PKNOX2: variants seen among roughly 807,000 people sequenced by gnomAD.
PKNOX2 encodes the protein homeobox protein PKNOX2.
Under a neutral mutation model 53.1 loss-of-function variants are expected in PKNOX2, and 14 were observed. The ratio of observed to expected loss-of-function variants is 0.26; its 90% CI spans 0.17 to 0.41. The LOEUF is 0.41. Ranked by LOEUF, PKNOX2 falls within the 10% of genes least tolerant of loss-of-function variation. PKNOX2 has a pLI of 1.00. For synonymous variants in PKNOX2, 257 were observed against 242.8 expected (o/e 1.06, Z -0.54); for missense variants, 496 against 602.8 (o/e 0.82, Z 1.85).
chr11:125,257,354 C>T (rs2135711572), intron 2 of PKNOX2, among the ~76,000 whole-genome samples: 1 of 152,282 alleles, frequency 6.6e-6, no homozygotes, highest in East Asian at 1.9e-4. Context: ...GTTGATAGAA[C>T]ATCTTCATGG....
At chr11:125,225,591 C>T (rs1941615129) in intron 1 of PKNOX2, among the ~76,000 whole-genome samples, 1 of 152,268 alleles carries the variant, frequency 6.6e-6, no homozygotes, top group Admixed American at 6.5e-5. Flanking sequence ...CTGGCTTACT[C>T]CTGGAGGGCA....
intron 3 of PKNOX2, among the ~76,000 whole-genome samples, chr11:125,342,547 C>T (rs1308505918): frequency 1.3e-5 from 2 of 152,180 alleles, no homozygotes; most frequent in Non-Finnish European, 2.9e-5. Flanking sequence ...CACCTGGGAT[C>T]CCAGCGCTGG....
intron 2 of PKNOX2, among the ~76,000 whole-genome samples, chr11:125,265,198 A>G (rs930813018): frequency 6.6e-6 from 1 of 151,886 alleles, no homozygotes; most frequent in Non-Finnish European, 1.5e-5. Flanking sequence ...GAGGCAGGAG[A>G]TTGCCGTGAA....
At chr11:125,360,644 G>A (rs1276185089) in intron 4 of PKNOX2, among the ~76,000 whole-genome samples, 3 of 152,174 alleles carry the variant, frequency 2.0e-5, no homozygotes, top group African/African-American at 7.2e-5. Context: ...TGCAGAATGG[G>A]TTCCTTCAGC....
rs1485813932 is a variant in PKNOX2 at position 125,410,872 on chromosome 11, C to T, written c.812C>T (p.Thr271Ile). 1.2e-6 allele frequency: 2 copies of T among 1,613,212 alleles called. No homozygotes were observed. Among genetic ancestry groups the T allele is most frequent in the South Asian group, 2.2e-5 (2 of 91,068 alleles). ...CAGGGAGCCATCCAGATCCAGAACA[C>T]ACAGGTGAGTGTGTGTAGGTGTGTG... ...IPQGAIQIQN[T>I]QVNLDLTSLL... is the part of the protein sequence containing the mutation. The change falls in exon 9 of 13, where the codon ACA (threonine) becomes ATA (isoleucine). Residue 271 changes from threonine to isoleucine, a missense_variant. By Grantham distance (89) the Thr-to-Ile change is moderately conservative. This residue lies in a region of PKNOX2 where 141 missense variants were observed against 143.9 expected (regional missense o/e 0.98). Coordinates refer to ENST00000298282, the MANE Select transcript of PKNOX2 (RefSeq NM_001382323.2).
intron 2 of PKNOX2, among the ~76,000 whole-genome samples, chr11:125,279,499 T>C (rs1033740929): frequency 1.3e-5 from 2 of 152,246 alleles, no homozygotes; most frequent in Non-Finnish European, 2.9e-5. Context: ...TTACCCCGGC[T>C]GTGAACTCCC....
rs551864905 is a variant in PKNOX2 at position 125,265,064 on chromosome 11, A to G, written c.-130+29949A>G. ...AGCACTCTGGGAGGCGAAGGCGGGCAGATCACGAGGTCAGAAGATTGAGAC... is the reference window on the plus strand; with the variant it reads ...AGCACTCTGGGAGGCGAAGGCGGGCGGATCACGAGGTCAGAAGATTGAGAC... On this transcript the variant is annotated intron_variant, in intron 2 of 12. Coordinates refer to ENST00000298282, the MANE Select transcript of PKNOX2 (RefSeq NM_001382323.2). Among the ~76,000 whole-genome samples the G allele has an allele frequency of 9.3e-4, 142 of 152,284 alleles. 1 individual carries two copies. The highest frequency in any genetic ancestry group is 1.5e-3 in the Non-Finnish European group (104 of 68,022).
At chr11:125,177,146 T>C (rs913529168) in intron 1 of PKNOX2, among the ~76,000 whole-genome samples, 4 of 152,172 alleles carry the variant, frequency 2.6e-5, no homozygotes, top group Non-Finnish European at 5.9e-5. Context: ...CTTTGGCAGA[T>C]CTGGCCTCTT....
intron 1 of PKNOX2, among the ~76,000 whole-genome samples, chr11:125,199,165 G>C (rs1393476461): frequency 4.0e-5 from 6 of 151,810 alleles, no homozygotes; most frequent in African/African-American, 1.5e-4. Context: ...TCTCCTCTTT[G>C]GTAGTTGATC....
chr11:125,204,989 G>T (rs960433712), intron 1 of PKNOX2, among the ~76,000 whole-genome samples: 1 of 152,184 alleles, frequency 6.6e-6, no homozygotes. Context: ...GGTGCATTGC[G>T]CACAGTGGTT....
intron 10 of PKNOX2, among the ~76,000 whole-genome samples, chr11:125,427,961 G>A (rs576636268): frequency 2.0e-4 from 30 of 152,274 alleles, no homozygotes; most frequent in African/African-American, 7.2e-4. Context: ...GCCACCCAGA[G>A]CCTTCTCATT....
intron 2 of PKNOX2, among the ~76,000 whole-genome samples, chr11:125,262,221 G>C (rs571304254): frequency 2.6e-5 from 4 of 152,222 alleles, no homozygotes; most frequent in Admixed American, 1.3e-4. Flanking sequence ...GGCGGCGGTG[G>C]GGGGGTGGTT....
chr11:125,172,800 G>T (rs1955426137), intron 1 of PKNOX2, among the ~76,000 whole-genome samples: 1 of 152,144 alleles, frequency 6.6e-6, no homozygotes, highest in Non-Finnish European at 1.5e-5. Context: ...AGACTGCAGG[G>T]GCTTGGCCCC....
intron 2 of PKNOX2, among the ~76,000 whole-genome samples, chr11:125,304,997 C>G (rs1451698186): frequency 6.6e-6 from 1 of 152,128 alleles, no homozygotes; most frequent in African/African-American, 2.4e-5. Flanking sequence ...GAAATGAAAA[C>G]CAAAAGAGTA....
At chr11:125,396,144 G>A (rs1371988988) in intron 6 of PKNOX2, among the ~76,000 whole-genome samples, 1 of 151,828 alleles carries the variant, frequency 6.6e-6, no homozygotes, top group Admixed American at 6.6e-5. Context: ...AGTAGATATG[G>A]GGTTTCACCA....
chr11:125,185,283 G>T (rs879148409), intron 1 of PKNOX2, among the ~76,000 whole-genome samples: 4 of 151,950 alleles, frequency 2.6e-5, no homozygotes, highest in Non-Finnish European at 5.9e-5. Flanking sequence ...GTTTGGTTGG[G>T]CTCTCTGAGT....
intron 5 of PKNOX2, among the ~76,000 whole-genome samples, chr11:125,383,467 A>AG (rs201052187): frequency 0.02 from 2,878 of 145,640 alleles, 224 homozygotes; most frequent in African/African-American, 0.067. Flanking sequence ...AAAAAAAAAA[A>AG]TTAGTCAGGC....
chr11:125,183,121 T>C (rs1343932135), intron 1 of PKNOX2, among the ~76,000 whole-genome samples: 2 of 151,638 alleles, frequency 1.3e-5, no homozygotes, highest in East Asian at 3.9e-4. Context: ...CCAGGGGACA[T>C]CCTGGTTCAA....
At chr11:125,270,504 C>T (rs1433973292) in intron 2 of PKNOX2, among the ~76,000 whole-genome samples, 1 of 152,214 alleles carries the variant, frequency 6.6e-6, no homozygotes, top group Non-Finnish European at 1.5e-5. Flanking sequence ...TGTAATTGTC[C>T]CACGCCTGGC....
Sources: allele counts gnomAD v4.1 joint callset (sites outside exome capture counted in the v4.1 genomes callset), GRCh38; gene constraint gnomAD v4.1.1; regional missense constraint gnomAD v4.1.1; transcripts MANE v1.5; gene names NCBI Gene and HGNC (gene_info 2026-07-23, HGNC 2026-07-21).